HDAC7: variants seen among roughly 807,000 people sequenced by gnomAD.
The protein encoded by HDAC7 is histone deacetylase 7, also known as histone deacetylase 7A.
A neutral mutation model predicts 115.5 loss-of-function variants in HDAC7; 26 were observed. The ratio of observed to expected loss-of-function variants is 0.23; its 90% confidence interval spans 0.16 to 0.31. The LOEUF (loss-of-function observed/expected upper bound fraction) is 0.31, where lower values mean the gene tolerates loss of function less well. HDAC7 is among the 10% of genes least tolerant of loss of function. HDAC7 has a pLI of 1.00. For missense variants in HDAC7, 1,068 were observed against 1,329.0 expected (o/e 0.80, Z 3.05); for synonymous variants, 564 against 550.9 (o/e 1.02, Z -0.33).
Position 47,789,875 on chromosome 12 carries a change from C to A in HDAC7, c.2029G>T (p.Ala677Ser), listed in dbSNP as rs373575162. The A allele has an allele frequency of 1.9e-6, 3 of 1,613,718 alleles. No individual in the cohort carries two copies. Among genetic ancestry groups the A allele is most frequent in the Non-Finnish European group, 2.5e-6 (3 of 1,180,008 alleles). Residue 677 changes from alanine (A) to serine (S), a missense_variant, in exon 17 of 26, where the codon GCC (alanine) becomes TCC (serine). Ala to Ser is a moderately conservative substitution (Grantham distance 99, BLOSUM62 1). Coordinates refer to ENST00000080059, the MANE Select transcript of HDAC7 (RefSeq NM_015401.5). ...GTGACACTGCCAGCGGCCCAGCGGG[C>A]TGCATTGGAGGAATGAAGCTCATTC... is the stretch of plus-strand genomic sequence containing the variant. ...IWNELHSSNA[A>S]RWAAGSVTDL...
At chr12:47,811,745 AG>A (rs1219484117) in intron 1 of HDAC7, among the ~76,000 whole-genome samples, 4 of 152,218 alleles carry the variant, frequency 2.6e-5, no homozygotes, top group African/African-American at 9.6e-5. Flanking sequence ...ATTAGTCCAC[AG>A]GGTTTTCACC....
Position 47,819,754 on chromosome 12 carries a change from G to T in HDAC7, c.19+13C>A. On this transcript the variant is annotated intron_variant, in intron 1 of 25. Transcript: ENST00000080059. ...GCGCAGGGCGGGGCGGGGGGCGGCC[G>T]CCCAGTACTCACCAGCGCCGGGGCT... 1 of 840,460 alleles carries T rather than the reference G, an allele frequency of 1.2e-6. No homozygotes were observed. The highest frequency in any genetic ancestry group is 1.4e-6 in the Non-Finnish European group (1 of 690,574). The allele number at this position is 840,460 out of a possible 1,614,324, so 52.1% of individuals were successfully genotyped here.
At chr12:47,813,892 G>A (rs146603281) in intron 1 of HDAC7, among the ~76,000 whole-genome samples, 31 of 152,346 alleles carry the variant, frequency 2.0e-4, no homozygotes, top group African/African-American at 7.2e-4. Context: ...GCAGCCTGAA[G>A]CTCTGGGTCC....
At position 47,787,914 on chromosome 12, in the gene HDAC7, A is replaced by C. The variant is rs769629548; in HGVS notation, c.2356-105T>G. On this transcript the variant is annotated intron_variant, in intron 20 of 25. Transcript: ENST00000080059. ...CAGCTCATCCAGCCTCCCCATTTCC[A>C]GGTGGGGAAGTTTAGGATCAGAGAG... 2.7e-5 allele frequency: 41 copies of C among 1,535,282 alleles called. No homozygotes were observed. The South Asian group carries it at 4.5e-4, about 17-fold the overall frequency.
At chr12:47,783,962 C>T in intron 25 of HDAC7, 76 bp from the exon 26 acceptor site, 1 of 1,605,322 alleles carries the variant, frequency 6.2e-7, no homozygotes, top group East Asian at 2.2e-5. Context: ...TCCTCTCAAC[C>T]CTGGTCAGGA....
intron 21 of HDAC7, 117 bp downstream of exon 21, chr12:47,787,595 T>C: frequency 1.5e-6 from 1 of 670,528 alleles, no homozygotes; most frequent in Non-Finnish European, 2.6e-6. Context: ...TCACCTACAA[T>C]GTCTAGGAAC....
At chr12:47,814,020 G>GA (rs1944776713) in intron 1 of HDAC7, among the ~76,000 whole-genome samples, 1 of 152,228 alleles carries the variant, frequency 6.6e-6, no homozygotes, top group Non-Finnish European at 1.5e-5. Context: ...TGAGAGGGGT[G>GA]AAGCGTAGAG....
rs148753345 is a variant in HDAC7, at chr12:47,801,051, G to A, written c.70+1173C>T. ...TTGCTCACAATGTCCCCCTGCCTGT[G>A]CTGTCCTCATCCCTACATTCTACTT... On this transcript the variant is annotated intron_variant, in intron 2 of 25. Coordinates refer to ENST00000080059, the MANE Select transcript of HDAC7 (RefSeq NM_015401.5). 3.5e-3 allele frequency among the ~76,000 whole-genome samples: 533 copies of A among 152,320 alleles called. 3 individuals are homozygous for A. Among genetic ancestry groups the A allele is most frequent in the Non-Finnish European group, 5.5e-3 (376 of 68,030 alleles).
At chr12:47,786,178 C>T (rs773165462) in intron 22 of HDAC7, among the ~76,000 whole-genome samples, 3 of 152,186 alleles carry the variant, frequency 2.0e-5, no homozygotes, top group Non-Finnish European at 4.4e-5. Context: ...CACTGAGCTA[C>T]ACCCTCTCTT....
rs1943947039 is a variant in HDAC7, at chr12:47,797,882, G to GTGTGTGTGTGTA, written c.461+225_461+226insTACACACACACA. Reference sequence around the variant, plus strand: ...TGTGTGTGTGTGTGTGTGTGTGTGTGTGTGTGTGTGTGTGAGAAGGGCTCA... The same window carrying GTGTGTGTGTGTA: ...TGTGTGTGTGTGTGTGTGTGTGTGTGTGTGTGTGTGTATGTGTGTGTGTGTGAGAAGGGCTCA... On this transcript the variant is annotated intron_variant, in intron 5 of 25. Transcript: ENST00000080059. The surrounding 1 kb of genome is among the most constrained non-coding windows in gnomAD (Gnocchi z 5.5). 6.6e-6 allele frequency among the ~76,000 whole-genome samples: 1 copy of GTGTGTGTGTGTA among 150,448 alleles called. No individual in the cohort carries two copies. Among genetic ancestry groups the GTGTGTGTGTGTA allele is most frequent in the African/African-American group, 2.5e-5 (1 of 40,448 alleles).
rs1250066034 is a variant in HDAC7 at position 47,795,663 on chromosome 12, A to T, written c.1011T>A (p.Ala337=). The T allele has an allele frequency of 6.4e-7, 1 of 1,553,030 alleles. No homozygotes were observed. The highest frequency in any genetic ancestry group is 8.7e-7 in the Non-Finnish European group (1 of 1,148,028). The change falls in exon 10 of 26, where the codon GCT becomes GCA. Residue 337 remains alanine, a synonymous_variant. Transcript: ENST00000080059. This position sits in a 1 kb window ranked among gnomAD's most constrained non-coding sequence, Gnocchi z 4.3. ...LFLPHGLEPE[A]GGTLPSRLQP... The stretch of plus-strand genomic sequence containing the variant: ...GCAGGCGAGAGGGCAAGGTGCCCCC[A>T]GCCTCGGGCTCCAAGCCATGGGGCA...
At chr12:47,805,095 C>T (rs548820266) in intron 1 of HDAC7, among the ~76,000 whole-genome samples, 37 of 149,428 alleles carry the variant, frequency 2.5e-4, no homozygotes, top group Admixed American at 7.4e-4. Flanking sequence ...TTTTGAGGTA[C>T]GGTCTTGTTC....
Position 47,795,491 on chromosome 12 carries a change from G to A in HDAC7, c.1087+96C>T. 1 of 1,413,332 alleles carries A rather than the reference G, an allele frequency of 7.1e-7. No homozygotes were observed. Among genetic ancestry groups the A allele is most frequent in the Non-Finnish European group, 9.7e-7 (1 of 1,028,846 alleles). The allele number at this position is 1,413,332 out of a possible 1,614,324, so 87.5% of individuals were successfully genotyped here. ...CAGCAGGGCAATGCGCAGGACAGGG[G>A]GACAGAGATGGGGAGGAAGGATGGG... On this transcript the variant is annotated intron_variant, in intron 10 of 25. Transcript: ENST00000080059. This position sits in a 1 kb window ranked among gnomAD's most constrained non-coding sequence, Gnocchi z 4.3.
At chr12:47,808,433 C>T (rs1157437142) in intron 1 of HDAC7, among the ~76,000 whole-genome samples, 3 of 152,150 alleles carry the variant, frequency 2.0e-5, no homozygotes, top group South Asian at 4.1e-4. Context: ...CTCCCTGGTT[C>T]TTTGTCCCCC....
chr12:47,817,155 C>T (rs976696595), intron 1 of HDAC7, among the ~76,000 whole-genome samples: 5 of 152,238 alleles, frequency 3.3e-5, no homozygotes, highest in African/African-American at 9.6e-5. Flanking sequence ...GCTGACCGGG[C>T]TTCCTGCTGT....
intron 1 of HDAC7, among the ~76,000 whole-genome samples, chr12:47,805,399 G>A (rs755243874): frequency 5.9e-5 from 9 of 152,174 alleles, no homozygotes; most frequent in African/African-American, 9.6e-5. Flanking sequence ...GGAAAAGGAA[G>A]CAGCAGCAAG....
At chr12:47,791,802 C>CCCCCCCCCCCCCCCCCCCCCAAACAACAA in intron 14 of HDAC7, 69 bp downstream of exon 14, 1 of 1,286,790 alleles carries the variant, frequency 7.8e-7, no homozygotes, top group Non-Finnish European at 1.1e-6. Flanking sequence ...GGCCCCAGGG[C>CCCCCCCCCCCCCCCCCCCCCAAACAACAA]CCCCCACCCC....
intron 1 of HDAC7, among the ~76,000 whole-genome samples, chr12:47,804,274 T>G (rs1233059811): frequency 6.6e-6 from 1 of 152,186 alleles, no homozygotes; most frequent in Non-Finnish European, 1.5e-5. Context: ...AGTTCTGCTT[T>G]TCCCCCGCTC....
chr12:47,796,891 A>T (rs1399705065), intron 7 of HDAC7, 126 bp downstream of exon 7: 1 of 1,071,106 alleles, frequency 9.3e-7, no homozygotes, highest in African/African-American at 1.6e-5. Context: ...AGTGTGTGGG[A>T]CACCCCCATG....
Sources: allele counts gnomAD v4.1 joint callset (sites outside exome capture counted in the v4.1 genomes callset), GRCh38; gene constraint gnomAD v4.1.1; non-coding constraint Gnocchi (gnomAD v3.1); transcripts MANE v1.5; gene names NCBI Gene and HGNC (gene_info 2026-07-23, HGNC 2026-07-21).